DPP6: variants seen among roughly 807,000 people sequenced by gnomAD.
DPP6 encodes the protein dipeptidyl peptidase like 6.
A neutral mutation model predicts 122.6 loss-of-function variants in DPP6; 69 were observed. The observed-to-expected ratio is 0.56, with a 90% CI of 0.46 to 0.69. DPP6 has a LOEUF of 0.69. Ranked by LOEUF, DPP6 falls within the 30% of genes least tolerant of loss-of-function variation. The pLI is 0.00. For missense variants in DPP6, 928 were observed against 1,116.9 expected, an observed-to-expected ratio of 0.83 and a Z score of 2.41; for synonymous variants, 418 against 433.1, an observed-to-expected ratio of 0.97 and a Z score of 0.43.
intron 1 of DPP6, among the ~76,000 whole-genome samples, chr7:153,983,360 C>T (rs557410416): frequency 5.3e-5 from 8 of 152,348 alleles, no homozygotes; most frequent in South Asian, 2.1e-4. Context: ...GGGAAAACCA[C>T]GTACTCAAGC....
rs765606605 is a variant in DPP6 at position 154,338,455 on chromosome 7, G to A, written c.244-107759G>A. The stretch of plus-strand genomic sequence containing the variant: ...GGACATATAAAACTGGAGATACACC[G>A]TGAAATAAAAAATGTCAGGTACTTA... On this transcript the variant is annotated intron_variant, in intron 1 of 25. Transcript: ENST00000377770. 7.9e-5 allele frequency among the ~76,000 whole-genome samples: 12 copies of A among 152,222 alleles called. No individual in the cohort carries two copies. In the East Asian group the frequency reaches 1.9e-3, roughly 24 times the overall value.
At chr7:153,830,093 G>A in the DPP6 span, among the ~76,000 whole-genome samples, 2 of 152,142 alleles carry the variant, frequency 1.3e-5, no homozygotes, top group Admixed American at 6.5e-5. Flanking sequence ...AACAAATTTG[G>A]GCTCAACAAT....
chr7:154,629,733 C>A (rs1190159019), intron 5 of DPP6, among the ~76,000 whole-genome samples: 1 of 152,116 alleles, frequency 6.6e-6, no homozygotes, highest in Admixed American at 6.5e-5. Flanking sequence ...TGCTTCGAGC[C>A]CCTGCTCATA....
rs140897218 is a variant in DPP6, at chr7:154,760,105, A to G, written c.884-9312A>G. 1.4e-4 allele frequency among the ~76,000 whole-genome samples: 22 copies of G among 152,330 alleles called. No individual in the cohort carries two copies. Among genetic ancestry groups the G allele is most frequent in the African/African-American group, 5.1e-4 (21 of 41,572 alleles). On this transcript the variant is annotated intron_variant, in intron 8 of 25. Transcript: ENST00000377770. This position sits in a 1 kb window ranked among gnomAD's most constrained non-coding sequence, Gnocchi z 4.5. ...GCCATTGCACTCCAGCCTAGGTGAC[A>G]GAGCGAGATTCTGTCTCAAAACAAA...
At chr7:153,935,178 G>GGGCAGACAGTGAAGGGGAGCTGCAGGTC (rs1801373092) in intron 1 of DPP6, among the ~76,000 whole-genome samples, 1 of 152,120 alleles carries the variant, frequency 6.6e-6, no homozygotes, top group Admixed American at 6.5e-5. Context: ...GGGCTCTGCG[G>GGGCAGACAGTGAAGGGGAGCTGCAGGTC]GGCAGACAGT....
the DPP6 span, among the ~76,000 whole-genome samples, chr7:153,815,592 C>T: frequency 6.6e-6 from 1 of 151,204 alleles, no homozygotes; most frequent in African/African-American, 2.4e-5. Flanking sequence ...TTGTTAGCCT[C>T]TCTGACATGA....
intron 1 of DPP6, among the ~76,000 whole-genome samples, chr7:153,928,928 C>T (rs562040748): frequency 3.9e-5 from 6 of 152,118 alleles, no homozygotes; most frequent in South Asian, 4.2e-4. Flanking sequence ...GAAGTCTCCC[C>T]GCACGTCGAT....
chr7:153,920,720 C>T (rs947871850), intron 1 of DPP6, among the ~76,000 whole-genome samples: 3 of 151,828 alleles, frequency 2.0e-5, no homozygotes, highest in Admixed American at 6.6e-5. Context: ...GCCACCATGC[C>T]TGGCTAATTT....
chr7:154,586,793 T>C (rs921104857), intron 5 of DPP6, among the ~76,000 whole-genome samples: 11 of 152,246 alleles, frequency 7.2e-5, no homozygotes, highest in African/African-American at 2.6e-4. Flanking sequence ...ATCTCTTCCA[T>C]CCAGAAATTT....
intron 1 of DPP6, among the ~76,000 whole-genome samples, chr7:153,915,057 C>T (rs1055630300): frequency 1.3e-5 from 2 of 152,174 alleles, no homozygotes; most frequent in Non-Finnish European, 2.9e-5. Context: ...TTCTGCTGTA[C>T]GTGTGATTTC....
chr7:154,490,352 T>C (rs1205366912), intron 3 of DPP6, among the ~76,000 whole-genome samples: 1 of 152,224 alleles, frequency 6.6e-6, no homozygotes, highest in Non-Finnish European at 1.5e-5. Context: ...AGCTCATTAG[T>C]GCAGCCCGTG....
chr7:153,895,560 G>C (rs1799373001), intron 1 of DPP6, among the ~76,000 whole-genome samples: 1 of 152,200 alleles, frequency 6.6e-6, no homozygotes, highest in African/African-American at 2.4e-5. Flanking sequence ...CAGCTCGCCA[G>C]TCTTGTCTCA....
At chr7:154,739,611 GT>G (rs1842725490) in intron 8 of DPP6, among the ~76,000 whole-genome samples, 1 of 152,232 alleles carries the variant, frequency 6.6e-6, no homozygotes, top group Non-Finnish European at 1.5e-5. Context: ...ACGTTTTATT[GT>G]TGCAAACTCT....
chr7:154,016,523 G>A (rs1298151820), intron 1 of DPP6, among the ~76,000 whole-genome samples: 3 of 151,998 alleles, frequency 2.0e-5, no homozygotes, highest in African/African-American at 4.8e-5. Flanking sequence ...AGCACTTTGT[G>A]AGGCTGAGGT....
intron 1 of DPP6, among the ~76,000 whole-genome samples, chr7:154,423,927 A>G (rs1055732766): frequency 6.6e-6 from 1 of 152,216 alleles, no homozygotes; most frequent in Non-Finnish European, 1.5e-5. Context: ...CTGTTCCCCT[A>G]CTGCCATAGA....
chr7:154,532,342 A>G (rs1180422262), intron 3 of DPP6, among the ~76,000 whole-genome samples: 1 of 152,176 alleles, frequency 6.6e-6, no homozygotes, highest in Non-Finnish European at 1.5e-5. Context: ...CACTAATGCT[A>G]TACACACAGG....
At chr7:153,939,842 C>T (rs1398737153) in intron 1 of DPP6, among the ~76,000 whole-genome samples, 2 of 152,186 alleles carry the variant, frequency 1.3e-5, no homozygotes, top group African/African-American at 4.8e-5. Flanking sequence ...ATGGAAGCTA[C>T]ACAGATTAGA....
At chr7:154,163,424 A>G (rs1797079080) in intron 1 of DPP6, among the ~76,000 whole-genome samples, 1 of 152,208 alleles carries the variant, frequency 6.6e-6, no homozygotes, top group South Asian at 2.1e-4. Context: ...TTTAAAAATC[A>G]TCCTTTAATT....
At chr7:154,698,392 T>G (rs1264282221) in intron 7 of DPP6, among the ~76,000 whole-genome samples, 1 of 152,154 alleles carries the variant, frequency 6.6e-6, no homozygotes, top group Non-Finnish European at 1.5e-5. Flanking sequence ...TAGGAACACT[T>G]TTTTATATAC....
Sources: allele counts gnomAD v4.1 joint callset (sites outside exome capture counted in the v4.1 genomes callset), GRCh38; gene constraint gnomAD v4.1.1; non-coding constraint Gnocchi (gnomAD v3.1); transcripts MANE v1.5; gene names NCBI Gene and HGNC (gene_info 2026-07-23, HGNC 2026-07-21).